The following LIN28B variants were observed in gnomAD, a reference collection of about 807,000 sequenced individuals.
LIN28B encodes the protein lin-28 RNA binding posttranscriptional regulator B.
Under a neutral mutation model 21.9 loss-of-function variants are expected in LIN28B, and 5 were observed. The ratio of observed to expected loss-of-function variants is 0.23; its 90% confidence interval spans 0.12 to 0.48. The LOEUF (loss-of-function observed/expected upper bound fraction) is 0.48, where lower values mean the gene tolerates loss of function less well. Ranked by LOEUF, LIN28B falls within the 20% of genes least tolerant of loss-of-function variation. LIN28B has a pLI of 0.98. For missense variants in LIN28B, 245 were observed against 310.5 expected (o/e 0.79, Z 1.58); for synonymous variants, 109 against 111.3 (o/e 0.98, Z 0.13).
At position 105,001,729 on chromosome 6, in the gene LIN28B, G is replaced by A. The variant is rs561525051; in HGVS notation, c.199-24569G>A. Among the ~76,000 whole-genome samples, 3 of 152,236 alleles carry A rather than the reference G, an allele frequency of 2.0e-5. No individual in the cohort carries two copies. The South Asian group carries it at 6.2e-4, about 32-fold the overall frequency. Reference sequence around the variant, plus strand: ...GTGCTAATGAAAATATCATAGAAATGAAATCAGTATTACTGAAAGATGAGC... The same window carrying A: ...GTGCTAATGAAAATATCATAGAAATAAAATCAGTATTACTGAAAGATGAGC... On this transcript the variant is annotated intron_variant, in intron 2 of 3. Coordinates refer to ENST00000345080, the MANE Select transcript of LIN28B (RefSeq NM_001004317.4).
chr6:104,993,827 T>C (rs992984815), intron 2 of LIN28B, among the ~76,000 whole-genome samples: 5 of 141,872 alleles, frequency 3.5e-5, no homozygotes, highest in Non-Finnish European at 7.6e-5. Flanking sequence ...CAGAGCGAGA[T>C]TGTCTCAAAA....
At chr6:105,077,693 C>T (rs188786351) in intron 3 of LIN28B, among the ~76,000 whole-genome samples, 345 of 152,194 alleles carry the variant, frequency 2.3e-3, no homozygotes, top group African/African-American at 7.4e-3. Flanking sequence ...TAGCATGAAC[C>T]TTTATTAATT....
At chr6:104,959,278 G>T (rs961503122) in intron 2 of LIN28B, among the ~76,000 whole-genome samples, 41 of 152,052 alleles carry the variant, frequency 2.7e-4, no homozygotes, top group Non-Finnish European at 4.3e-4. Context: ...GTTTATTTTG[G>T]CATGATAATC....
chr6:104,975,929 A>C (rs1582874173), intron 2 of LIN28B, among the ~76,000 whole-genome samples: 2 of 139,992 alleles, frequency 1.4e-5, no homozygotes, highest in Admixed American at 1.5e-4. Flanking sequence ...CGATTACCCC[A>C]CCTTGGCCTC....
chr6:105,007,144 T>C (rs1770833499), intron 2 of LIN28B, among the ~76,000 whole-genome samples: 1 of 152,240 alleles, frequency 6.6e-6, no homozygotes. Flanking sequence ...TAACAACTTG[T>C]TAAAAATTAC....
chr6:105,076,330 A>G (rs989230669), intron 3 of LIN28B, among the ~76,000 whole-genome samples: 4 of 152,182 alleles, frequency 2.6e-5, no homozygotes, highest in Admixed American at 1.3e-4. Context: ...TCATTATTCT[A>G]AAGTATATAA....
intron 2 of LIN28B, among the ~76,000 whole-genome samples, chr6:105,020,248 T>G (rs1317990906): frequency 6.6e-6 from 1 of 151,796 alleles, no homozygotes; most frequent in East Asian, 1.9e-4. Flanking sequence ...AATGTTGGGA[T>G]TACAGGCATC....
intron 2 of LIN28B, among the ~76,000 whole-genome samples, chr6:104,995,611 A>C (rs551900027): frequency 2.6e-5 from 4 of 152,292 alleles, no homozygotes; most frequent in South Asian, 4.1e-4. Flanking sequence ...GAATCCAGGA[A>C]TAGAACTTAG....
At position 104,989,254 on chromosome 6, in the gene LIN28B, A is replaced by C. The variant is rs565638949; in HGVS notation, c.198+30968A>C. ...TATTTTTGCTTTTTTGAGACAGAGT[A>C]TCTCTCTGTCAGAGTAGGGCAGTGA... On this transcript the variant is annotated intron_variant, in intron 2 of 3. Coordinates refer to ENST00000345080, the MANE Select transcript of LIN28B (RefSeq NM_001004317.4). Among the ~76,000 whole-genome samples the C allele has an allele frequency of 4.4e-4, 67 of 152,120 alleles. 2 individuals carry two copies. The highest frequency in any genetic ancestry group is 6.8e-3 in the Middle Eastern group (2 of 294).
intron 2 of LIN28B, among the ~76,000 whole-genome samples, chr6:104,984,815 G>T (rs1201144865): frequency 1.3e-5 from 2 of 152,186 alleles, no homozygotes; most frequent in Non-Finnish European, 2.9e-5. Flanking sequence ...AGAATGTTAT[G>T]AGTGACTTCT....
intron 2 of LIN28B, among the ~76,000 whole-genome samples, chr6:104,941,960 T>C (rs1778100806): frequency 6.6e-6 from 1 of 151,804 alleles, no homozygotes; most frequent in Non-Finnish European, 1.5e-5. Flanking sequence ...TAAGTAATAG[T>C]AAGTCCGCCA....
intron 3 of LIN28B, among the ~76,000 whole-genome samples, chr6:105,063,895 G>C (rs1031401466): frequency 6.8e-6 from 1 of 148,100 alleles, no homozygotes; most frequent in Non-Finnish European, 1.5e-5. Context: ...AAATATAATA[G>C]TTATAATAAT....
chr6:105,053,419 G>T (rs1239282233), intron 3 of LIN28B, among the ~76,000 whole-genome samples: 1 of 135,168 alleles, frequency 7.4e-6, no homozygotes. Context: ...GTGTGCACGT[G>T]CTCATAAACT....
In LIN28B at chr6:104,975,263, ATATC is replaced by A. The variant is rs576218820; in HGVS notation, c.198+16980_198+16983del. Among the ~76,000 whole-genome samples the A allele has an allele frequency of 2.5e-3, 377 of 152,336 alleles. 4 individuals carry two copies. Among genetic ancestry groups the A allele is most frequent in the African/African-American group, 8.8e-3 (364 of 41,574 alleles). On this transcript the variant is annotated intron_variant, in intron 2 of 3. Coordinates refer to ENST00000345080, the MANE Select transcript of LIN28B (RefSeq NM_001004317.4). ...TTATCTTTGATTATTCTATAATAGA[ATATC>A]TAATATTTAATAATATCTAAAAATA...
At chr6:105,055,190 A>C (rs534581088) in intron 3 of LIN28B, among the ~76,000 whole-genome samples, 1 of 152,190 alleles carries the variant, frequency 6.6e-6, no homozygotes, top group Non-Finnish European at 1.5e-5. Flanking sequence ...TTGATCCACA[A>C]TGTTTTTCAT....
At chr6:105,003,334 GTC>G (rs1770754049) in intron 2 of LIN28B, among the ~76,000 whole-genome samples, 1 of 152,156 alleles carries the variant, frequency 6.6e-6, no homozygotes, top group Admixed American at 6.5e-5. Flanking sequence ...AAGAATGAAA[GTC>G]TGCTGAATTT....
chr6:105,026,587 C>A, intron 3 of LIN28B, 105 bp downstream of exon 3: 1 of 702,426 alleles, frequency 1.4e-6, no homozygotes, highest in Non-Finnish European at 2.4e-6. Flanking sequence ...CAAAGGAAAC[C>A]ACCATCATGT....
intron 2 of LIN28B, among the ~76,000 whole-genome samples, chr6:104,944,451 C>A (rs748211155): frequency 2.0e-5 from 3 of 151,948 alleles, no homozygotes; most frequent in African/African-American, 7.2e-5. Context: ...CTATCAAAAC[C>A]AACATCAAAA....
At chr6:104,992,378 A>G (rs1026739315) in intron 2 of LIN28B, among the ~76,000 whole-genome samples, 1 of 151,710 alleles carries the variant, frequency 6.6e-6, no homozygotes, top group Non-Finnish European at 1.5e-5. Flanking sequence ...TTATGTAACA[A>G]TTAATATTAC....
Sources: gnomAD v4.1 joint callset for allele counts (sites outside exome capture counted in the v4.1 genomes callset) on GRCh38, gnomAD v4.1.1 for gene constraint, MANE v1.5 for transcripts, NCBI Gene and HGNC (gene_info 2026-07-23, HGNC 2026-07-21) for gene names.